HAUS8: variants seen among roughly 807,000 people sequenced by gnomAD.
The protein encoded by HAUS8 is HAUS augmin like complex subunit 8, also known as HAUS augmin-like complex subunit 8.
HAUS8 carries 38 observed loss-of-function variants against 42.9 expected under a neutral mutation model. The ratio of observed to expected loss-of-function variants is 0.89; its 90% CI spans 0.68 to 1.16. The LOEUF is 1.16. Among genes scored for constraint, HAUS8 ranks in the 50% most tolerant of loss-of-function variants. The pLI is 0.00. For missense variants in HAUS8, 494 were observed against 511.6 expected (o/e 0.97, Z 0.33); for synonymous variants, 199 against 205.8 (o/e 0.97, Z 0.28).
intron 8 of HAUS8, 68 bp downstream of exon 8, chr19:17,058,481 G>A (rs752268500): frequency 1.7e-5 from 24 of 1,453,040 alleles, no homozygotes; most frequent in Admixed American, 2.3e-5. Context: ...GAATGCTACC[G>A]AAACAGTGGA....
At chr19:17,074,250 C>G (rs1478446188) in intron 1 of HAUS8, 3 of 152,644 alleles carry the variant, frequency 2.0e-5, no homozygotes, top group Admixed American at 6.5e-5. Flanking sequence ...GGGCCAAGGC[C>G]AGGGCACTGT....
chr19:17,072,343 T>A (rs2057431713), intron 2 of HAUS8, among the ~76,000 whole-genome samples: 1 of 143,770 alleles, frequency 7.0e-6, no homozygotes, highest in African/African-American at 2.6e-5. Context: ...ATTTCCTTTT[T>A]TTTTTTTTTT....
At chr19:17,052,753 C>T in intron 10 of HAUS8, 72 bp downstream of exon 10, 2 of 1,550,718 alleles carry the variant, frequency 1.3e-6, no homozygotes, top group Non-Finnish European at 1.8e-6. Flanking sequence ...CGGCACCACC[C>T]CAACAGTGCA....
At chr19:17,053,022 C>T (rs2057297695) in intron 9 of HAUS8, 56 bp from the exon 10 acceptor site, 1 of 1,608,606 alleles carries the variant, frequency 6.2e-7, no homozygotes, top group African/African-American at 1.3e-5. Context: ...ACGCAAGGCA[C>T]ACACAAGTGG....
At chr19:17,070,473 C>G (rs2057414882) in intron 2 of HAUS8, among the ~76,000 whole-genome samples, 1 of 152,186 alleles carries the variant, frequency 6.6e-6, no homozygotes, top group Non-Finnish European at 1.5e-5. Context: ...CTAACCTTAT[C>G]ACTTTGTCAC....
At chr19:17,055,749 C>T in intron 9 of HAUS8, 112 bp downstream of exon 9, 1 of 1,204,566 alleles carries the variant, frequency 8.3e-7, no homozygotes, top group African/African-American at 1.5e-5. Flanking sequence ...CCATCCTCTG[C>T]CTTAGTTGGG....
At chr19:17,054,119 CTGGAGGGAGCCAATCCCA>C (rs2057305438) in intron 9 of HAUS8, among the ~76,000 whole-genome samples, 1 of 152,106 alleles carries the variant, frequency 6.6e-6, no homozygotes. Flanking sequence ...CTGACAGCCC[CTGGAGGGAGCCAATCCCA>C]TCAACGCCTT....
intron 9 of HAUS8, chr19:17,054,924 T>C (rs1414745801): frequency 6.7e-6 from 1 of 150,022 alleles, no homozygotes; most frequent in Non-Finnish European, 1.5e-5. Context: ...TGAGCTATAA[T>C]TGCACTACTG....
At chr19:17,063,140 A>AT (rs1455968609) in intron 3 of HAUS8, among the ~76,000 whole-genome samples, 1 of 152,214 alleles carries the variant, frequency 6.6e-6, no homozygotes, top group Non-Finnish European at 1.5e-5. Context: ...GTCAAAAAAT[A>AT]TTTTTTTAAA....
At position 17,049,772 on chromosome 19, in the gene HAUS8, A is replaced by G; in HGVS notation, c.*101T>C. On this transcript the variant is annotated 3_prime_UTR_variant, in exon 11 of 11. Transcript: ENST00000253669. ...TAGAAAATGGAGGCTTCAATTGCAA[A>G]ACAGGTTTACTTTTTTATCAAACAA... 1 of 1,053,838 alleles carries G rather than the reference A, an allele frequency of 9.5e-7. No homozygotes were observed. Among genetic ancestry groups the G allele is most frequent in the Non-Finnish European group, 1.3e-6 (1 of 787,416 alleles). The allele number at this position is 1,053,838 out of a possible 1,614,324, so 65.3% of individuals were successfully genotyped here.
chr19:17,059,943 G>A, intron 5 of HAUS8, 54 bp downstream of exon 5: 1 of 1,300,510 alleles, frequency 7.7e-7, no homozygotes, highest in Non-Finnish European at 1.1e-6. Context: ...GAAGCCCACT[G>A]AGACCTACTG....
intron 3 of HAUS8, among the ~76,000 whole-genome samples, chr19:17,064,865 C>T (rs2057378926): frequency 6.6e-6 from 1 of 152,146 alleles, no homozygotes; most frequent in Admixed American, 6.6e-5. Flanking sequence ...TGGGCTTCAT[C>T]GAAATCGTCA....
chr19:17,071,993 T>C (rs1461915366), intron 2 of HAUS8, among the ~76,000 whole-genome samples: 1 of 151,910 alleles, frequency 6.6e-6, no homozygotes, highest in Admixed American at 6.6e-5. Context: ...CTCAAAAAAA[T>C]AAATACAAAT....
chr19:17,050,933 G>A (rs905052093), intron 10 of HAUS8, among the ~76,000 whole-genome samples: 9 of 151,804 alleles, frequency 5.9e-5, no homozygotes, highest in Admixed American at 4.6e-4. Flanking sequence ...AGTGGTGCAC[G>A]CCTGTAGTCC....
chr19:17,053,454 CT>C lies in HAUS8; in HGVS notation c.788-489del, dbSNP rs201832684. On this transcript the variant is annotated intron_variant, in intron 9 of 10. Coordinates refer to ENST00000253669, the MANE Select transcript of HAUS8 (RefSeq NM_033417.2). ...TACATGAGAGTCACATTTTGGGAGCCTTTTAAGTGCCGTATCAGCCAGCCTC... is the reference window on the plus strand; with the variant it reads ...TACATGAGAGTCACATTTTGGGAGCCTTTAAGTGCCGTATCAGCCAGCCTC... 816 of 159,056 alleles carry C rather than the reference CT, an allele frequency of 5.1e-3. 6 individuals are homozygous for C. The highest frequency in any genetic ancestry group is 0.035 in the Middle Eastern group (11 of 314). 9.9% of individuals were successfully genotyped at this position (159,056 alleles called of 1,614,324 possible). A position where few individuals can be genotyped will look rare whatever the true frequency, so the allele number is the denominator to read the frequency against.
Position 17,058,717 on chromosome 19 carries a change from G to T in HAUS8, c.487-10C>A. On this transcript the variant is annotated splice_polypyrimidine_tract_variant and intron_variant, in intron 7 of 10. Coordinates refer to ENST00000253669, the MANE Select transcript of HAUS8 (RefSeq NM_033417.2). The stretch of plus-strand genomic sequence containing the variant: ...CAAGATTGTTCTCCATCTGTTAAAT[G>T]TGAAAGAAAAGCTCAAGCAGGTGGG... The T allele has an allele frequency of 6.2e-7, 1 of 1,604,014 alleles. No individual in the cohort carries two copies. The highest frequency in any genetic ancestry group is 1.1e-5 in the South Asian group (1 of 89,508).
rs1222726793 is a variant in HAUS8, at chr19:17,075,445, C to G, written c.-23G>C. ...CATTTTCCCGCCTTCCACCTCAAGG[C>G]CCGACCCGCCGGCTTTTCAAAGCCG... On this transcript the variant is annotated 5_prime_UTR_variant, in exon 1 of 11. Transcript: ENST00000253669. 7 of 1,613,268 alleles carry G rather than the reference C, an allele frequency of 4.3e-6. No individual in the cohort carries two copies. The highest frequency in any genetic ancestry group is 5.9e-6 in the Non-Finnish European group (7 of 1,179,788).
At chr19:17,070,285 G>A (rs1196208927) in intron 2 of HAUS8, among the ~76,000 whole-genome samples, 10 of 151,504 alleles carry the variant, frequency 6.6e-5, no homozygotes, top group Admixed American at 6.6e-4. Flanking sequence ...TCCATTCTCA[G>A]TCCTGGTCAT....
At chr19:17,051,691 AG>A (rs2057288465) in intron 10 of HAUS8, 2 of 134,490 alleles carry the variant, frequency 1.5e-5, no homozygotes, top group South Asian at 2.4e-4. Flanking sequence ...TTCCTGAGAC[AG>A]GGTCTCACTC....
Sources: allele counts gnomAD v4.1 joint callset (sites outside exome capture counted in the v4.1 genomes callset), GRCh38; gene constraint gnomAD v4.1.1; transcripts MANE v1.5; gene names NCBI Gene and HGNC (gene_info 2026-07-23, HGNC 2026-07-21).